COMMD1: variants seen among roughly 807,000 people sequenced by gnomAD.
COMMD1 encodes COMM domain-containing protein 1.
COMMD1 carries 10 observed loss-of-function variants against 17.2 expected under a neutral mutation model. The observed-to-expected ratio is 0.58, with a 90% CI of 0.36 to 0.99. The LOEUF (loss-of-function observed/expected upper bound fraction) is 0.99, where lower values mean the gene tolerates loss of function less well. COMMD1 is among the 50% of genes least tolerant of loss of function. The pLI is 0.01. For synonymous variants in COMMD1, 97 were observed against 91.6 expected (o/e 1.06, Z -0.34); for missense variants, 270 against 231.8 (o/e 1.17, Z -1.07).
intron 2 of COMMD1, among the ~76,000 whole-genome samples, chr2:62,121,399 T>C (rs1389331136): frequency 1.1e-5 from 1 of 89,220 alleles, no homozygotes; most frequent in African/African-American, 4.6e-5. Context: ...AAAAAAAAAT[T>C]CCTGCCTAAA....
intron 1 of COMMD1, among the ~76,000 whole-genome samples, chr2:61,907,803 G>A (rs1020621803): frequency 5.3e-5 from 8 of 152,052 alleles, no homozygotes; most frequent in Non-Finnish European, 1.2e-4. Context: ...TGATTCTCCT[G>A]TCTCAGCCTC....
chr2:62,012,945 C>T (rs1158505607), intron 2 of COMMD1, among the ~76,000 whole-genome samples: 1 of 152,062 alleles, frequency 6.6e-6, no homozygotes, highest in East Asian at 1.9e-4. Context: ...GAGGCAGCCC[C>T]AGGAAGATCT....
chr2:61,989,456 A>G (rs1195140296), intron 1 of COMMD1, among the ~76,000 whole-genome samples: 1 of 150,956 alleles, frequency 6.6e-6, no homozygotes, highest in Non-Finnish European at 1.5e-5. Flanking sequence ...AACCCTGGCA[A>G]ATATTGATTT....
chr2:62,131,221 C>G (rs942521873), intron 2 of COMMD1, among the ~76,000 whole-genome samples: 1 of 152,198 alleles, frequency 6.6e-6, no homozygotes, highest in Non-Finnish European at 1.5e-5. Context: ...GTTTAATACA[C>G]TGCTGTACTC....
intron 2 of COMMD1, among the ~76,000 whole-genome samples, chr2:62,003,672 C>T (rs1316638211): frequency 2.6e-5 from 4 of 151,350 alleles, no homozygotes; most frequent in Non-Finnish European, 5.9e-5. Flanking sequence ...AATAAGTACA[C>T]TTGGATATCT....
At chr2:62,132,097 C>T (rs1368293835) in intron 2 of COMMD1, among the ~76,000 whole-genome samples, 1 of 151,586 alleles carries the variant, frequency 6.6e-6, no homozygotes, top group East Asian at 2.0e-4. Flanking sequence ...CCATGTTGGT[C>T]AGGCTAGTCT....
At chr2:61,929,777 A>C (rs1440850522) in intron 1 of COMMD1, among the ~76,000 whole-genome samples, 1 of 152,090 alleles carries the variant, frequency 6.6e-6, no homozygotes, top group Non-Finnish European at 1.5e-5. Flanking sequence ...ACAAAAAATT[A>C]GTTGGGTATG....
intron 1 of COMMD1, among the ~76,000 whole-genome samples, chr2:61,960,109 A>G (rs1347496534): frequency 7.1e-6 from 1 of 140,486 alleles, no homozygotes; most frequent in Non-Finnish European, 1.5e-5. Context: ...CTGATTTGGA[A>G]TATATGTGTG....
chr2:61,923,168 T>G (rs545017453), intron 1 of COMMD1, among the ~76,000 whole-genome samples: 1 of 152,184 alleles, frequency 6.6e-6, no homozygotes, highest in African/African-American at 2.4e-5. Flanking sequence ...TTATGGGATA[T>G]CTATCAAGAT....
At chr2:61,952,946 C>G (rs954520078) in intron 1 of COMMD1, among the ~76,000 whole-genome samples, 23 of 152,174 alleles carry the variant, frequency 1.5e-4, no homozygotes, top group Non-Finnish European at 5.9e-5. Flanking sequence ...ATTTTGTGCT[C>G]CTACTAACAG....
intron 1 of COMMD1, among the ~76,000 whole-genome samples, chr2:61,941,401 T>C (rs1670744538): frequency 6.6e-6 from 1 of 152,212 alleles, no homozygotes; most frequent in African/African-American, 2.4e-5. Flanking sequence ...CAGGCAATTA[T>C]ATGATTCTGT....
rs1360869663 is a variant in COMMD1, at chr2:62,000,810, T to C, written c.290T>C (p.Phe97Ser). 3.1e-6 allele frequency: 5 copies of C among 1,614,084 alleles called. No homozygotes were observed. Among genetic ancestry groups the C allele is most frequent in the Non-Finnish European group, 4.2e-6 (5 of 1,180,022 alleles). Residue 97 changes from phenylalanine to serine, a missense_variant, in exon 2 of 3, where the codon TTC (phenylalanine) becomes TCC (serine). Transcript: ENST00000311832. Reference sequence around the variant, plus strand: ...GACCAAGCTGCTGTCATTTCCAAATTCTGGAAGAGCCACAAGACAAAAATC... The same window carrying C: ...GACCAAGCTGCTGTCATTTCCAAATCCTGGAAGAGCCACAAGACAAAAATC... ...TSDQAAVISK[F>S]WKSHKTKIRE... is the part of the protein sequence containing the mutation.
At chr2:61,979,882 A>G (rs1360119761) in intron 1 of COMMD1, among the ~76,000 whole-genome samples, 4 of 115,890 alleles carry the variant, frequency 3.5e-5, no homozygotes, top group East Asian at 2.9e-4. Flanking sequence ...ATATCTCCCA[A>G]TGCTATCCCT....
At chr2:62,098,299 C>T (rs1458646627) in intron 2 of COMMD1, among the ~76,000 whole-genome samples, 4 of 151,812 alleles carry the variant, frequency 2.6e-5, no homozygotes, top group African/African-American at 9.7e-5. Flanking sequence ...GCTGGGATTA[C>T]AGGCATGCGC....
chr2:62,065,454 G>A (rs1034695660), intron 2 of COMMD1, among the ~76,000 whole-genome samples: 1 of 149,088 alleles, frequency 6.7e-6, no homozygotes, highest in African/African-American at 2.5e-5. Context: ...CTCCTGAGTG[G>A]CTGGAACAAC....
intron 2 of COMMD1, chr2:62,055,530 G>A (rs1670670512): frequency 2.2e-6 from 1 of 452,264 alleles, no homozygotes; most frequent in Non-Finnish European, 4.4e-6. Flanking sequence ...CTTCAAAACT[G>A]CTTTGCCACA....
chr2:62,096,592 A>G (rs768897460), intron 2 of COMMD1, among the ~76,000 whole-genome samples: 2 of 152,290 alleles, frequency 1.3e-5, no homozygotes, highest in South Asian at 4.1e-4. Context: ...GGGGTTGGGC[A>G]TTAAGGAGTA....
intron 1 of COMMD1, among the ~76,000 whole-genome samples, chr2:61,974,070 G>A (rs1177553982): frequency 1.3e-5 from 2 of 152,224 alleles, no homozygotes; most frequent in Non-Finnish European, 2.9e-5. Context: ...GAGGTGGGCA[G>A]ATCACTTGAG....
At position 62,001,241 on chromosome 2, in the gene COMMD1, C is replaced by G. The variant is rs186839166; in HGVS notation, c.462+259C>G. ...AATGTGATTGCTCAGAAGCTGACCA[C>G]TACTGCATTTGGTTAGATCTCAAAA... On this transcript the variant is annotated intron_variant, in intron 2 of 2. Transcript: ENST00000311832. 7 of 468,872 alleles carry G rather than the reference C, an allele frequency of 1.5e-5. No homozygotes were observed. In the East Asian group the frequency reaches 2.8e-4, roughly 19 times the overall value. 29.0% of individuals were successfully genotyped at this position (468,872 alleles called of 1,614,324 possible). A position where few individuals can be genotyped will look rare whatever the true frequency, so the allele number is the denominator to read the frequency against.
Sources: allele counts gnomAD v4.1 joint callset (sites outside exome capture counted in the v4.1 genomes callset), GRCh38; gene constraint gnomAD v4.1.1; transcripts MANE v1.5; gene names NCBI Gene and HGNC (gene_info 2026-07-23, HGNC 2026-07-21).